AFF2: variants seen among roughly 807,000 people sequenced by gnomAD.
The protein encoded by AFF2 is ALF transcription elongation factor 2.
AFF2 carries 14 observed loss-of-function variants against 76.9 expected under a neutral mutation model. That is an observed-to-expected ratio of 0.18 (90% CI 0.12 to 0.28). The LOEUF (loss-of-function observed/expected upper bound fraction) is 0.28. Among genes scored for constraint, AFF2 ranks in the 10% least tolerant of loss-of-function variants. AFF2 has a pLI of 1.00. For missense variants in AFF2, 868 were observed against 1,001.1 expected, an observed-to-expected ratio of 0.87 and a Z score of 1.79; for synonymous variants, 398 against 366.7, an observed-to-expected ratio of 1.09 and a Z score of -0.98.
intron 1 of AFF2, among the ~76,000 whole-genome samples, chrX:148,579,934 G>T (rs1173887599): frequency 9.0e-6 from 1 of 111,368 alleles, no homozygotes; most frequent in African/African-American, 3.3e-5. Context: ...AAAAAGGGAG[G>T]TAGGTCAGCG....
intron 1 of AFF2, among the ~76,000 whole-genome samples, chrX:148,551,665 T>C (rs985383170): frequency 1.5e-4 from 17 of 110,960 alleles, no homozygotes; most frequent in Non-Finnish European, 3.2e-4. Context: ...GGAGAGCACC[T>C]GTGCAGTAAA....
intron 7 of AFF2, among the ~76,000 whole-genome samples, chrX:148,879,597 G>A (rs1273936995): frequency 1.8e-5 from 2 of 111,723 alleles, no homozygotes; most frequent in African/African-American, 6.5e-5. Flanking sequence ...CCTTCGTTTG[G>A]TAGCAACTAC....
intron 15 of AFF2, among the ~76,000 whole-genome samples, chrX:148,971,076 C>T (rs2072244621): frequency 9.1e-6 from 1 of 109,398 alleles, no homozygotes; most frequent in African/African-American, 3.3e-5. Context: ...TTTCTCTTCT[C>T]AACTAGCCTT....
chrX:148,528,792 T>G (rs1219787367), intron 1 of AFF2, among the ~76,000 whole-genome samples: 1 of 111,972 alleles, frequency 8.9e-6, no homozygotes, highest in African/African-American at 3.2e-5. Context: ...ATGAATGTTA[T>G]TTTCATTCAG....
At chrX:148,808,662 T>C (rs1362182189) in intron 3 of AFF2, among the ~76,000 whole-genome samples, 1 of 112,013 alleles carries the variant, frequency 8.9e-6, no homozygotes, top group Non-Finnish European at 1.9e-5. Flanking sequence ...TATTGGTGAC[T>C]GTCTCAGGCT....
intron 1 of AFF2, among the ~76,000 whole-genome samples, chrX:148,503,150 C>T (rs1557232083): frequency 8.9e-6 from 1 of 112,459 alleles, no homozygotes; most frequent in Admixed American, 9.4e-5. Flanking sequence ...ATTTCTCCTT[C>T]TTACTGCTCG....
At chrX:148,921,711 G>A (rs1225951658) in intron 9 of AFF2, among the ~76,000 whole-genome samples, 4 of 112,532 alleles carry the variant, frequency 3.6e-5, no homozygotes, top group African/African-American at 9.7e-5. Flanking sequence ...TGAAACAAAA[G>A]TAAATGATAA....
intron 7 of AFF2, among the ~76,000 whole-genome samples, chrX:148,856,363 C>T (rs2070786086): frequency 1.8e-5 from 2 of 112,070 alleles, no homozygotes; most frequent in South Asian, 7.4e-4. Context: ...TAGGCACTAC[C>T]GTTACCCACA....
intron 1 of AFF2, among the ~76,000 whole-genome samples, chrX:148,530,970 A>T (rs1341846315): frequency 1.8e-5 from 2 of 112,084 alleles, no homozygotes; most frequent in East Asian, 5.6e-4. Flanking sequence ...AACAGACATT[A>T]ACTTTGCCCT....
chrX:148,629,268 T>C (rs1391028569), intron 1 of AFF2, among the ~76,000 whole-genome samples: 2 of 111,309 alleles, frequency 1.8e-5, no homozygotes, highest in Non-Finnish European at 3.8e-5. Context: ...ATTATGTGCT[T>C]CTAATATTGA....
chrX:148,962,940 A>C lies in AFF2; in HGVS notation c.2913+3A>C, dbSNP rs1241539477. ...CTTTCAAAGGGATATCGGTAAATGT[A>C]AGCATCTTGGAAGAAATATTATTAT... On this transcript the variant is annotated splice_donor_region_variant and intron_variant, in intron 13 of 20. Transcript: ENST00000370460. The C allele has an allele frequency of 2.7e-5, 31 of 1,134,418 alleles. No individual in the cohort carries two copies. The highest frequency in any genetic ancestry group is 3.7e-5 in the Non-Finnish European group (31 of 826,972). The allele number at this position is 1,134,418 out of a possible 1,213,427, so 93.5% of individuals were successfully genotyped here.
At chrX:148,774,036 T>G (rs1400836761) in intron 3 of AFF2, among the ~76,000 whole-genome samples, 3 of 111,626 alleles carry the variant, frequency 2.7e-5, no homozygotes, top group Non-Finnish European at 5.7e-5. Context: ...AGGGCTCATC[T>G]TGAGTTATTA....
intron 7 of AFF2, among the ~76,000 whole-genome samples, chrX:148,871,265 A>G (rs1173282366): frequency 9.0e-6 from 1 of 110,946 alleles, no homozygotes. Flanking sequence ...TTACTGTGGG[A>G]GTTACATACC....
At position 148,861,977 on chromosome X, in the gene AFF2, C is replaced by G. The variant is rs1470627119; in HGVS notation, c.1262+18544C>G. Reference sequence around the variant, plus strand: ...GCCTTTTGTCTGTTTTTTTTTCCCCCCTCAGACCACCTGCAACTGTAAGTT... The same window carrying G: ...GCCTTTTGTCTGTTTTTTTTTCCCCGCTCAGACCACCTGCAACTGTAAGTT... On this transcript the variant is annotated intron_variant, in intron 7 of 20. Transcript: ENST00000370460. 1.2e-4 allele frequency among the ~76,000 whole-genome samples: 13 copies of G among 109,871 alleles called. 1 individual carries two copies. The highest frequency in any genetic ancestry group is 4.3e-4 in the African/African-American group (13 of 30,204).
intron 15 of AFF2, among the ~76,000 whole-genome samples, chrX:148,971,747 C>CTTTTTTTTTTTTTTTTTTATTT (rs2072257160): frequency 4.5e-5 from 2 of 44,729 alleles, no homozygotes; most frequent in African/African-American, 1.9e-4. Context: ...TTTTCTATTT[C>CTTTTTTTTTTTTTTTTTTATTT]TTTTTTTTTT....
intron 7 of AFF2, among the ~76,000 whole-genome samples, chrX:148,854,045 A>G (rs782720057): frequency 8.9e-6 from 1 of 111,999 alleles, no homozygotes; most frequent in South Asian, 3.8e-4. Context: ...TAAAATTTTG[A>G]TATTGAAGAG....
At chrX:148,761,490 A>T (rs781786658) in intron 3 of AFF2, among the ~76,000 whole-genome samples, 12 of 105,725 alleles carry the variant, frequency 1.1e-4, no homozygotes, top group African/African-American at 3.2e-4. Flanking sequence ...TTTCATAAAA[A>T]CTTGGCCCAT....
At chrX:148,771,961 G>A (rs1557268134) in intron 3 of AFF2, among the ~76,000 whole-genome samples, 4 of 111,517 alleles carry the variant, frequency 3.6e-5, no homozygotes, top group Non-Finnish European at 1.9e-5. Context: ...AAAGACAGAT[G>A]GAAAGTTTAC....
intron 4 of AFF2, among the ~76,000 whole-genome samples, chrX:148,817,578 T>C (rs2070281330): frequency 8.9e-6 from 1 of 112,013 alleles, no homozygotes; most frequent in Non-Finnish European, 1.9e-5. Context: ...TTACACGACA[T>C]AGAACAAAAA....
Sources: gnomAD v4.1 joint callset for allele counts (sites outside exome capture counted in the v4.1 genomes callset) on GRCh38, gnomAD v4.1.1 for gene constraint, MANE v1.5 for transcripts, NCBI Gene and HGNC (gene_info 2026-07-23, HGNC 2026-07-21) for gene names.